Variants in TMEM132D observed in about 807,000 individuals in gnomAD.
The protein encoded by TMEM132D is mature OL transmembrane protein.
TMEM132D carries 21 observed loss-of-function variants against 62.3 expected under a neutral mutation model. That is an observed-to-expected ratio of 0.34 (90% CI 0.24 to 0.49). The LOEUF is 0.49. TMEM132D is among the 20% of genes least tolerant of loss of function. The pLI is 0.99. For synonymous variants in TMEM132D, 621 were observed against 575.6 expected, an observed-to-expected ratio of 1.08 and a Z score of -1.13; for missense variants, 1,346 against 1,402.8, an observed-to-expected ratio of 0.96 and a Z score of 0.65.
At chr12:129,279,936 T>C (rs1229058177) in intron 4 of TMEM132D, among the ~76,000 whole-genome samples, 2 of 152,198 alleles carry the variant, frequency 1.3e-5, no homozygotes, top group Non-Finnish European at 1.5e-5. Context: ...AAGTGCAAAC[T>C]AGGCTAATAA....
intron 3 of TMEM132D, among the ~76,000 whole-genome samples, chr12:129,343,127 G>A (rs1298641169): frequency 6.6e-6 from 1 of 152,158 alleles, no homozygotes; most frequent in Non-Finnish European, 1.5e-5. Flanking sequence ...ACATGCACAT[G>A]TATGTTTATT....
intron 1 of TMEM132D, among the ~76,000 whole-genome samples, chr12:129,859,606 G>T (rs555502170): frequency 6.6e-6 from 1 of 152,152 alleles, no homozygotes; most frequent in African/African-American, 2.4e-5. Flanking sequence ...CCCTCAGTGT[G>T]GGCGGGCACC....
intron 4 of TMEM132D, among the ~76,000 whole-genome samples, chr12:129,331,639 CACTACCCA>C (rs1194378650): frequency 6.6e-6 from 1 of 152,174 alleles, no homozygotes; most frequent in Non-Finnish European, 1.5e-5. Context: ...TCCAAACAGC[CACTACCCA>C]AGAGGAAGAA....
intron 5 of TMEM132D, among the ~76,000 whole-genome samples, chr12:129,108,207 C>G (rs58236553): frequency 0.21 from 31,558 of 152,094 alleles, 3,402 homozygotes; most frequent in Non-Finnish European, 0.23. Context: ...CCCTGAACGT[C>G]CTTACATCAC....
chr12:129,540,317 G>A (rs1411020417), intron 2 of TMEM132D, among the ~76,000 whole-genome samples: 1 of 152,064 alleles, frequency 6.6e-6, no homozygotes, highest in Non-Finnish European at 1.5e-5. Flanking sequence ...CCAGTGCGAT[G>A]GACAGGGACA....
intron 2 of TMEM132D, among the ~76,000 whole-genome samples, chr12:129,538,188 A>G (rs1461926304): frequency 6.6e-6 from 1 of 152,262 alleles, no homozygotes; most frequent in Non-Finnish European, 1.5e-5. Context: ...AGATACAAGG[A>G]AGAAAGCAAA....
chr12:129,233,503 T>C (rs1036431357), intron 4 of TMEM132D, among the ~76,000 whole-genome samples: 6 of 152,224 alleles, frequency 3.9e-5, no homozygotes, highest in African/African-American at 1.2e-4. Flanking sequence ...TAAAAAAACA[T>C]GCTCCCTCGT....
At chr12:129,427,125 T>C (rs1246135764) in intron 3 of TMEM132D, among the ~76,000 whole-genome samples, 1 of 152,204 alleles carries the variant, frequency 6.6e-6, no homozygotes, top group Non-Finnish European at 1.5e-5. Flanking sequence ...TCAAATATAC[T>C]CTTGTTTGCA....
chr12:129,420,313 T>G lies in TMEM132D; in HGVS notation c.1116-82496A>C, dbSNP rs7953086. Among the ~76,000 whole-genome samples, 439 of 57,634 alleles carry G rather than the reference T, an allele frequency of 7.6e-3. 8 individuals carry two copies. The highest frequency in any genetic ancestry group is 1.0e-2 in the Non-Finnish European group (184 of 18,454). 37.8% of individuals were successfully genotyped at this position (57,634 alleles called of 152,430 possible). On this transcript the variant is annotated intron_variant, in intron 3 of 8. Coordinates refer to ENST00000422113, the MANE Select transcript of TMEM132D (RefSeq NM_133448.3). ...AATTATTGCACGTTCTCTGTTTTTTTTTTTTTTTTTTTTTTTTGCAGTATC... is the reference window on the plus strand; with the variant it reads ...AATTATTGCACGTTCTCTGTTTTTTGTTTTTTTTTTTTTTTTTGCAGTATC...
intron 2 of TMEM132D, among the ~76,000 whole-genome samples, chr12:129,535,526 T>A (rs1338144663): frequency 1.3e-5 from 2 of 152,222 alleles, no homozygotes; most frequent in African/African-American, 4.8e-5. Flanking sequence ...GTACAGAGAC[T>A]TAGGCTGATG....
chr12:129,223,929 G>A (rs1234452330), intron 4 of TMEM132D, among the ~76,000 whole-genome samples: 2 of 152,000 alleles, frequency 1.3e-5, no homozygotes, highest in African/African-American at 4.8e-5. Flanking sequence ...TTGATATTTT[G>A]GGCTGCATAA....
chr12:129,074,198 T>C lies in TMEM132D; in HGVS notation c.2977A>G (p.Arg993Gly), dbSNP rs1874169604. The change falls in exon 9 of 9, where the codon AGG becomes GGG. Residue 993 changes from arginine (R) to glycine (G), a missense_variant. Transcript: ENST00000422113. Reference protein sequence around the residue: ...SQDEQITAIDRGMDFEESKYL... With the variant: ...SQDEQITAIDGGMDFEESKYL... ...TTACTTTCCTCGAAATCCATGCCCC[T>C]GTCAATGGCAGTGATTTGCTCATCT... The C allele has an allele frequency of 6.2e-7, 1 of 1,614,090 alleles. No homozygotes were observed. The highest frequency in any genetic ancestry group is 8.5e-7 in the Non-Finnish European group (1 of 1,180,014).
Position 129,700,278 on chromosome 12 carries a change from C to T in TMEM132D, c.500G>A (p.Cys167Tyr), listed in dbSNP as rs773136227. 6.2e-7 allele frequency: 1 copy of T among 1,613,584 alleles called. No homozygotes were observed. The highest frequency in any genetic ancestry group is 1.1e-5 in the South Asian group (1 of 91,084). ...DDRSAGEKLP[C>Y]LRVFAFRETR... is the part of the protein sequence containing the mutation. ...CTCTCGGAAAGCAAAGACCCTCAGG[C>T]ACGGCAGCTTCTCCCCGGCGCTGCG... is the stretch of plus-strand genomic sequence containing the variant. The change falls in exon 2 of 9, where the codon TGC becomes TAC. Residue 167 changes from cysteine to tyrosine, a missense_variant. Physicochemically the swap from Cys to Tyr is radical, Grantham distance 194 (BLOSUM62 -2). Coordinates refer to ENST00000422113, the MANE Select transcript of TMEM132D (RefSeq NM_133448.3).
At chr12:129,711,837 A>G (rs1405464206) in intron 1 of TMEM132D, among the ~76,000 whole-genome samples, 1 of 149,036 alleles carries the variant, frequency 6.7e-6, no homozygotes, top group African/African-American at 2.4e-5. Context: ...ATAAAGGATT[A>G]TAAAAAATCC....
At chr12:129,130,496 T>C (rs117688836) in intron 5 of TMEM132D, among the ~76,000 whole-genome samples, 2,751 of 152,246 alleles carry the variant, frequency 0.018, 42 homozygotes, top group Admixed American at 0.053. Context: ...CCGTCCGCGG[T>C]CTGCTGCCTG....
At chr12:129,337,432 T>TCGC (rs1869319984) in intron 4 of TMEM132D, among the ~76,000 whole-genome samples, 1 of 109,650 alleles carries the variant, frequency 9.1e-6, no homozygotes, top group African/African-American at 3.6e-5. Flanking sequence ...TAGATATAGA[T>TCGC]ACACACACGC....
rs1881361411 is a variant in TMEM132D at position 129,700,510 on chromosome 12, G to A, written c.268C>T (p.Leu90=). The A allele has an allele frequency of 5.6e-6, 9 of 1,614,154 alleles. No individual in the cohort carries two copies. The highest frequency in any genetic ancestry group is 7.6e-6 in the Non-Finnish European group (9 of 1,180,036). The change falls in exon 2 of 9, where the codon CTG becomes TTG. Residue 90 remains leucine, a synonymous_variant. Coordinates refer to ENST00000422113, the MANE Select transcript of TMEM132D (RefSeq NM_133448.3). ...ESFLIYKSRR[L]PVLNASYGPF... is the part of the protein sequence containing the mutation. Reference sequence around the variant, plus strand: ...CCGTAGCTGGCATTGAGGACAGGCAGCCTCCTGGATTTGTAAATCAGAAAT... The same window carrying A: ...CCGTAGCTGGCATTGAGGACAGGCAACCTCCTGGATTTGTAAATCAGAAAT...
intron 3 of TMEM132D, among the ~76,000 whole-genome samples, chr12:129,391,643 A>G (rs560262373): frequency 6.6e-6 from 1 of 152,342 alleles, no homozygotes; most frequent in African/African-American, 2.4e-5. Context: ...GTTACACATT[A>G]AAATCATCAG....
chr12:129,302,764 C>T (rs766604407), intron 4 of TMEM132D, among the ~76,000 whole-genome samples: 1 of 152,200 alleles, frequency 6.6e-6, no homozygotes, highest in Non-Finnish European at 1.5e-5. Flanking sequence ...CACCAACAGC[C>T]CCTTGGCCAA....
Sources: gnomAD v4.1 joint callset for allele counts (sites outside exome capture counted in the v4.1 genomes callset) on GRCh38, gnomAD v4.1.1 for gene constraint, MANE v1.5 for transcripts, NCBI Gene and HGNC (gene_info 2026-07-23, HGNC 2026-07-21) for gene names.